The following RBFOX1 variants were observed in gnomAD, a reference collection of about 807,000 sequenced individuals.
RBFOX1 encodes the protein RNA binding protein fox-1 homolog 1.
RBFOX1 carries 8 observed loss-of-function variants against 57.7 expected under a neutral mutation model. That is an observed-to-expected ratio of 0.14 (90% CI 0.08 to 0.25). RBFOX1 has a LOEUF of 0.25. Among genes scored for constraint, RBFOX1 ranks in the 10% least tolerant of loss-of-function variants. The probability of loss-of-function intolerance (pLI) is 1.00; values close to 1 mark genes in which losing one functional copy is unlikely to be tolerated. For missense variants in RBFOX1, 611 were observed against 548.5 expected (o/e 1.11, Z -1.14); for synonymous variants, 326 against 222.4 (o/e 1.47, Z -4.15).
intron 3 of RBFOX1, among the ~76,000 whole-genome samples, chr16:6,656,151 G>A (rs1018281548): frequency 4.6e-5 from 7 of 152,074 alleles, no homozygotes; most frequent in Admixed American, 3.3e-4. Flanking sequence ...TAGGTGAAGC[G>A]TGTGTCCAAA....
At chr16:7,618,822 A>T (rs964539547) in intron 10 of RBFOX1, among the ~76,000 whole-genome samples, 1 of 152,204 alleles carries the variant, frequency 6.6e-6, no homozygotes, top group Non-Finnish European at 1.5e-5. Flanking sequence ...ACTTTGAGTA[A>T]CTTCATCAGT....
chr16:7,393,986 A>G (rs573708881), intron 4 of RBFOX1, among the ~76,000 whole-genome samples: 71 of 152,242 alleles, frequency 4.7e-4, no homozygotes, highest in Non-Finnish European at 8.7e-4. Flanking sequence ...CTGTAATCCT[A>G]GCCCTTTGGG....
At chr16:6,460,337 T>G (rs1425429264) in intron 2 of RBFOX1, among the ~76,000 whole-genome samples, 1 of 152,090 alleles carries the variant, frequency 6.6e-6, no homozygotes, top group Non-Finnish European at 1.5e-5. Context: ...AGAGAAAATT[T>G]TTGCAATCTA....
intron 3 of RBFOX1, among the ~76,000 whole-genome samples, chr16:6,855,476 C>G (rs751705914): frequency 1.3e-5 from 2 of 151,818 alleles, no homozygotes; most frequent in Admixed American, 6.6e-5. Flanking sequence ...ACAGTGAAAC[C>G]CCGTCTCTAC....
intron 2 of RBFOX1, among the ~76,000 whole-genome samples, chr16:6,381,245 A>G (rs116163344): frequency 0.032 from 4,882 of 152,220 alleles, 291 homozygotes; most frequent in African/African-American, 0.11. Context: ...TTGCGTAGTG[A>G]TGAGGTCTAA....
rs1443191587 is a variant in RBFOX1, at chr16:7,026,169, C to A, written c.-15-25888C>A. Among the ~76,000 whole-genome samples, 14 of 152,230 alleles carry A rather than the reference C, an allele frequency of 9.2e-5. No homozygotes were observed. The East Asian group carries it at 2.5e-3, about 27-fold the overall frequency. On this transcript the variant is annotated intron_variant, in intron 3 of 15. Coordinates refer to ENST00000550418, the MANE Select transcript of RBFOX1 (RefSeq NM_018723.4). ...CCTCTGCGTGGGGTCTCCCTTAAAC[C>A]CAACTTCTTGGGGCCTACTCTGAGG...
chr16:7,315,331 C>G (rs967847475), intron 4 of RBFOX1, among the ~76,000 whole-genome samples: 27 of 151,682 alleles, frequency 1.8e-4, no homozygotes, highest in Non-Finnish European at 3.5e-4. Context: ...AGGAAATGCT[C>G]TTGAGTTAAA....
At chr16:6,566,411 G>C (rs568450461) in intron 2 of RBFOX1, among the ~76,000 whole-genome samples, 2 of 152,110 alleles carry the variant, frequency 1.3e-5, no homozygotes, top group Non-Finnish European at 1.5e-5. Context: ...GTGGCTAGAC[G>C]TAGGGACCTC....
At chr16:6,417,931 G>C (rs1359768189) in intron 2 of RBFOX1, among the ~76,000 whole-genome samples, 1 of 152,136 alleles carries the variant, frequency 6.6e-6, no homozygotes, top group Admixed American at 6.6e-5. Flanking sequence ...CTTTTGGAAA[G>C]TTGTATTAAT....
intron 11 of RBFOX1, among the ~76,000 whole-genome samples, chr16:7,632,625 A>C (rs1416060121): frequency 6.6e-6 from 1 of 152,124 alleles, no homozygotes; most frequent in Non-Finnish European, 1.5e-5. Context: ...TTCCTCGTCT[A>C]TATTATTTTC....
chr16:5,635,027 T>A (rs980169554), intron 3 of RBFOX1, among the ~76,000 whole-genome samples: 1 of 152,128 alleles, frequency 6.6e-6, no homozygotes, highest in African/African-American at 2.4e-5. Context: ...GGTCAGGCAG[T>A]CTCAGAGTCT....
At chr16:6,919,715 T>C (rs1223800553) in intron 3 of RBFOX1, among the ~76,000 whole-genome samples, 2 of 151,828 alleles carry the variant, frequency 1.3e-5, no homozygotes, top group South Asian at 2.1e-4. Context: ...ATATTGTATG[T>C]TATAGATAAG....
chr16:5,275,972 G>T (rs1406508301), intron 1 of RBFOX1, among the ~76,000 whole-genome samples: 2 of 152,150 alleles, frequency 1.3e-5, no homozygotes, highest in African/African-American at 4.8e-5. Context: ...TGGGATAATT[G>T]GCAAGCCACA....
intron 3 of RBFOX1, among the ~76,000 whole-genome samples, chr16:6,927,114 G>T (rs548134915): frequency 2.0e-5 from 3 of 152,158 alleles, no homozygotes; most frequent in Admixed American, 2.0e-4. Flanking sequence ...GCTTCCCCCA[G>T]AGGGTTTGAT....
chr16:7,001,693 G>C (rs1596557005), intron 3 of RBFOX1, among the ~76,000 whole-genome samples: 1 of 152,100 alleles, frequency 6.6e-6, no homozygotes, highest in South Asian at 2.1e-4. Context: ...CTGACCTGAA[G>C]TGATCCATCC....
intron 2 of RBFOX1, among the ~76,000 whole-genome samples, chr16:6,334,025 A>C (rs1277349214): frequency 6.6e-6 from 1 of 152,032 alleles, no homozygotes; most frequent in Admixed American, 6.6e-5. Context: ...GAATGACTAG[A>C]CTCCGAAGGA....
At chr16:5,382,279 G>C (rs1036462087) in intron 1 of RBFOX1, among the ~76,000 whole-genome samples, 2 of 152,060 alleles carry the variant, frequency 1.3e-5, no homozygotes, top group Admixed American at 1.3e-4. Context: ...TGCTCAAATA[G>C]TTCCAATTCA....
intron 4 of RBFOX1, among the ~76,000 whole-genome samples, chr16:7,486,230 C>G (rs1384393886): frequency 7.2e-6 from 1 of 139,180 alleles, no homozygotes; most frequent in Non-Finnish European, 1.5e-5. Context: ...TCAAGTGATT[C>G]TCCTGCCTCA....
intron 3 of RBFOX1, among the ~76,000 whole-genome samples, chr16:5,616,679 T>G: frequency 1.2e-5 from 1 of 85,418 alleles, no homozygotes; most frequent in Non-Finnish European, 3.5e-5. Flanking sequence ...TCCTCCCCTT[T>G]ATCTTCCGCC....
Sources: allele counts gnomAD v4.1 joint callset (sites outside exome capture counted in the v4.1 genomes callset), GRCh38; gene constraint gnomAD v4.1.1; transcripts MANE v1.5; gene names NCBI Gene and HGNC (gene_info 2026-07-23, HGNC 2026-07-21).